ZNF536: variants seen among roughly 807,000 people sequenced by gnomAD.
The protein encoded by ZNF536 is zinc finger protein 536.
ZNF536 carries 13 observed loss-of-function variants against 84.5 expected under a neutral mutation model. The ratio of observed to expected loss-of-function variants is 0.15; its 90% CI spans 0.10 to 0.24. The LOEUF (loss-of-function observed/expected upper bound fraction) is 0.24. Ranked by LOEUF, ZNF536 falls within the 10% of genes least tolerant of loss-of-function variation. The pLI, the probability that ZNF536 is intolerant of heterozygous loss-of-function variation, is 1.00. For missense variants in ZNF536, 1,536 were observed against 1,747.5 expected (o/e 0.88, Z 2.16); for synonymous variants, 811 against 742.5 (o/e 1.09, Z -1.50).
At position 30,638,341 on chromosome 19, in the gene ZNF536, T is replaced by A. The variant is rs559879407; in HGVS notation, c.170-72416T>A. On this transcript the variant is annotated intron_variant, in intron 1 of 1. Transcript: ENST00000592773. ...TGGGTAATTTATAATGAAAAGAGTT[T>A]GAATTGGCTCACAGTCCTGTAGGCT... 2.0e-5 allele frequency among the ~76,000 whole-genome samples: 3 copies of A among 152,310 alleles called. No individual in the cohort carries two copies. The South Asian group carries it at 6.2e-4, about 32-fold the overall frequency.
At chr19:30,469,946 G>A (rs1252586398) in intron 2 of ZNF536, among the ~76,000 whole-genome samples, 3 of 152,152 alleles carry the variant, frequency 2.0e-5, no homozygotes, top group Non-Finnish European at 4.4e-5. Context: ...TTTAGCTGAC[G>A]GCAAGGAAGC....
At chr19:30,594,560 C>T (rs1029861093) in intron 1 of ZNF536, among the ~76,000 whole-genome samples, 1 of 152,210 alleles carries the variant, frequency 6.6e-6, no homozygotes, top group Non-Finnish European at 1.5e-5. Context: ...ATGACATTGA[C>T]TATGATGGAT....
chr19:30,643,200 G>A (rs895321295), intron 1 of ZNF536, among the ~76,000 whole-genome samples: 2 of 152,140 alleles, frequency 1.3e-5, no homozygotes, highest in African/African-American at 4.8e-5. Flanking sequence ...ATTCCACTGG[G>A]ACTGTGTCCT....
rs796672848 is a variant in ZNF536, at chr19:30,358,966, A to G, written c.-3+6482A>G. 1.1e-4 allele frequency among the ~76,000 whole-genome samples: 16 copies of G among 152,306 alleles called. 1 individual carries two copies. Among genetic ancestry groups the G allele is most frequent in the African/African-American group, 3.6e-4 (15 of 41,552 alleles). ...GTCATAGCCCCAAATTCAGAGTGCA[A>G]TTGGCAAATGCATGGAGCTGAGTGT... On this transcript the variant is annotated intron_variant, in intron 3 of 5. Transcript: ENST00000585628.
chr19:30,621,272 C>A (rs1269041755), intron 1 of ZNF536, among the ~76,000 whole-genome samples: 1 of 151,942 alleles, frequency 6.6e-6, no homozygotes, highest in African/African-American at 2.4e-5. Flanking sequence ...CTTTTAAGAG[C>A]AGCAGAGGTG....
At chr19:30,572,986 G>T (rs1327238865) in intron 1 of ZNF536, among the ~76,000 whole-genome samples, 1 of 152,130 alleles carries the variant, frequency 6.6e-6, no homozygotes, top group Admixed American at 6.5e-5. Flanking sequence ...AGAGGCAGAT[G>T]GTTGCTCAGA....
chr19:30,427,187 ATATT>A (rs2051251689), intron 1 of ZNF536, among the ~76,000 whole-genome samples: 1 of 152,142 alleles, frequency 6.6e-6, no homozygotes, highest in African/African-American at 2.4e-5. Flanking sequence ...ATGATCTCAG[ATATT>A]TCTCTTGCTC....
chr19:30,584,901 GC>G (rs1340259809), intron 1 of ZNF536, among the ~76,000 whole-genome samples: 1 of 152,212 alleles, frequency 6.6e-6, no homozygotes, highest in African/African-American at 2.4e-5. Context: ...TTCAAGACCA[GC>G]CTAGGAAACA....
rs2051492195 is a variant in ZNF536 at position 30,432,014 on chromosome 19, C to CACAT, written c.-2-11543_-2-11540dup. ...AAGCATATATATATATATACACACA[C>CACAT]ACATACACACACACACACACAGGCA... On this transcript the variant is annotated intron_variant, in intron 1 of 4. Coordinates refer to ENST00000355537, the MANE Select transcript of ZNF536 (RefSeq NM_014717.3). Among the ~76,000 whole-genome samples the CACAT allele has an allele frequency of 3.9e-5, 5 of 127,798 alleles. No homozygotes were observed. The Admixed American group carries it at 4.2e-4, about 11-fold the overall frequency. The allele number at this position is 127,798 out of a possible 152,430, so 83.8% of individuals were successfully genotyped here.
At chr19:30,514,768 T>G (rs2055564838) in intron 2 of ZNF536, among the ~76,000 whole-genome samples, 1 of 151,934 alleles carries the variant, frequency 6.6e-6, no homozygotes. Flanking sequence ...TCCCTTCATC[T>G]CCATATTGTA....
At chr19:30,544,420 G>A (rs765057089) in intron 3 of ZNF536, among the ~76,000 whole-genome samples, 4 of 152,156 alleles carry the variant, frequency 2.6e-5, no homozygotes, top group African/African-American at 9.7e-5. Context: ...AGCCTTTCTT[G>A]TTTCTCAGCT....
chr19:30,258,695 ATATTTATT>A (rs10554010), intron 1 of ZNF536, among the ~76,000 whole-genome samples: 112 of 146,614 alleles, frequency 7.6e-4, no homozygotes, highest in South Asian at 2.6e-3. Context: ...TATTTTTTAA[ATATTTATT>A]TATTTATTTA....
At chr19:30,635,506 C>A (rs1393393519) in intron 1 of ZNF536, among the ~76,000 whole-genome samples, 1 of 152,184 alleles carries the variant, frequency 6.6e-6, no homozygotes, top group Non-Finnish European at 1.5e-5. Flanking sequence ...ACTCTCTTGT[C>A]CCACCCTGTG....
intron 1 of ZNF536, among the ~76,000 whole-genome samples, chr19:30,407,835 T>G (rs1054385075): frequency 2.6e-5 from 4 of 152,220 alleles, no homozygotes; most frequent in Non-Finnish European, 5.9e-5. Flanking sequence ...ATGATTGATT[T>G]ATTTAATCCA....
In ZNF536 at chr19:30,445,780, C is replaced by T. The variant is rs1253165001; in HGVS notation, c.2170+48C>T. 3.3e-6 allele frequency: 5 copies of T among 1,514,964 alleles called. No homozygotes were observed. The highest frequency in any genetic ancestry group is 1.3e-5 in the South Asian group (1 of 74,974). 93.8% of individuals were successfully genotyped at this position (1,514,964 alleles called of 1,614,324 possible). On this transcript the variant is annotated intron_variant, in intron 2 of 4. Transcript: ENST00000355537. This position sits in a 1 kb window ranked among gnomAD's most constrained non-coding sequence, Gnocchi z 4.5. ...AGAAGCAGCTTGTACAGCAGCCCTG[C>T]TCAGGGCTGCCTGGTTCTGCTCCCA...
chr19:30,503,984 A>G (rs768764766), intron 2 of ZNF536, among the ~76,000 whole-genome samples: 6 of 151,954 alleles, frequency 3.9e-5, no homozygotes, highest in Non-Finnish European at 7.4e-5. Context: ...ATTTTTAAAG[A>G]TAAAAGAAAC....
intron 1 of ZNF536, among the ~76,000 whole-genome samples, chr19:30,386,904 G>A (rs140857649): frequency 3.5e-4 from 54 of 152,338 alleles, no homozygotes; most frequent in African/African-American, 1.2e-3. Context: ...TCTGCGGGTC[G>A]CCGGCATGGA....
chr19:30,265,633 T>C (rs1191480154), intron 1 of ZNF536, among the ~76,000 whole-genome samples: 3 of 152,134 alleles, frequency 2.0e-5, no homozygotes, highest in Admixed American at 6.5e-5. Flanking sequence ...CTCGCCATAT[T>C]CAGAGGAAAG....
chr19:30,309,162 G>A (rs1054445794), intron 2 of ZNF536, among the ~76,000 whole-genome samples: 7 of 152,190 alleles, frequency 4.6e-5, no homozygotes, highest in African/African-American at 1.2e-4. Context: ...TCAAGAGGTC[G>A]CCAAGCGAAT....
Sources: gnomAD v4.1 joint callset for allele counts (sites outside exome capture counted in the v4.1 genomes callset) on GRCh38, gnomAD v4.1.1 for gene constraint, Gnocchi (gnomAD v3.1) non-coding constraint, MANE v1.5 for transcripts, NCBI Gene and HGNC (gene_info 2026-07-23, HGNC 2026-07-21) for gene names.